FAT4: variants seen among roughly 807,000 people sequenced by gnomAD.
FAT4 encodes the protein protocadherin Fat 4.
FAT4 carries 84 observed loss-of-function variants against 303.9 expected under a neutral mutation model. That is an observed-to-expected ratio of 0.28 (90% CI 0.23 to 0.33). FAT4 has a LOEUF of 0.33. Ranked by LOEUF, FAT4 falls within the 10% of genes least tolerant of loss-of-function variation. FAT4 has a pLI of 1.00. For synonymous variants in FAT4, 2,307 were observed against 2,298.8 expected, an observed-to-expected ratio of 1.00 and a Z score of -0.10; for missense variants, 6,005 against 6,146.8, an observed-to-expected ratio of 0.98 and a Z score of 0.77.
chr4:125,489,286 C>G (rs1188905350), intron 17 of FAT4, among the ~76,000 whole-genome samples: 2 of 152,174 alleles, frequency 1.3e-5, no homozygotes, highest in Non-Finnish European at 2.9e-5. Flanking sequence ...TATCATTCCC[C>G]TAAGGAGACA....
chr4:125,474,517 G>C (rs1726963846), intron 12 of FAT4, among the ~76,000 whole-genome samples: 1 of 151,678 alleles, frequency 6.6e-6, no homozygotes, highest in Non-Finnish European at 1.5e-5. Context: ...ACAAATGTTA[G>C]TATTTATTAT....
chr4:125,337,277 G>A (rs1285576344), intron 2 of FAT4, among the ~76,000 whole-genome samples: 2 of 152,008 alleles, frequency 1.3e-5, no homozygotes, highest in Admixed American at 1.3e-4. Flanking sequence ...TTTGAAGGAT[G>A]TAATAACCAC....
chr4:125,462,765 T>A (rs927833780), intron 10 of FAT4, among the ~76,000 whole-genome samples: 1 of 152,042 alleles, frequency 6.6e-6, no homozygotes, highest in African/African-American at 2.4e-5. Context: ...ACTTTTGAAA[T>A]GTAAATATTT....
At chr4:125,334,053 A>G (rs1289606617) in intron 2 of FAT4, among the ~76,000 whole-genome samples, 1 of 152,030 alleles carries the variant, frequency 6.6e-6, no homozygotes, top group African/African-American at 2.4e-5. Flanking sequence ...TGGCCCACTC[A>G]TATAACACAC....
chr4:125,489,507 T>A (rs1727529465), intron 17 of FAT4, among the ~76,000 whole-genome samples: 1 of 152,244 alleles, frequency 6.6e-6, no homozygotes, highest in Admixed American at 6.5e-5. Context: ...GCCTATTTCA[T>A]GTTCTTTACA....
intron 7 of FAT4, among the ~76,000 whole-genome samples, chr4:125,434,033 CAG>C (rs1195178904): frequency 6.6e-6 from 1 of 152,146 alleles, no homozygotes; most frequent in Non-Finnish European, 1.5e-5. Flanking sequence ...ACTTTTCGTG[CAG>C]AGTTACTAGG....
At chr4:125,340,336 C>T (rs1162461148) in intron 2 of FAT4, among the ~76,000 whole-genome samples, 3 of 152,106 alleles carry the variant, frequency 2.0e-5, no homozygotes, top group Non-Finnish European at 4.4e-5. Flanking sequence ...TAACAAGTCC[C>T]TCAAGGGATT....
chr4:125,476,517 G>A (rs1215769701), intron 13 of FAT4, among the ~76,000 whole-genome samples: 1 of 152,112 alleles, frequency 6.6e-6, no homozygotes, highest in Non-Finnish European at 1.5e-5. Flanking sequence ...AAAGATTCAT[G>A]AAATAATTGC....
At chr4:125,323,047 C>A (rs1236018582) in intron 2 of FAT4, among the ~76,000 whole-genome samples, 1 of 152,116 alleles carries the variant, frequency 6.6e-6, no homozygotes, top group African/African-American at 2.4e-5. Flanking sequence ...ACAATCCTCT[C>A]TCTAACTTTC....
At chr4:125,402,453 A>G (rs1274815725) in intron 3 of FAT4, among the ~76,000 whole-genome samples, 1 of 152,038 alleles carries the variant, frequency 6.6e-6, no homozygotes, top group African/African-American at 2.4e-5. Flanking sequence ...AAACCATAAA[A>G]TTACAATAAA....
At position 125,450,562 on chromosome 4, in the gene FAT4, A is replaced by G. The variant is rs776702138; in HGVS notation, c.9552A>G (p.Val3184=). 6.2e-7 allele frequency: 1 copy of G among 1,614,142 alleles called. No individual in the cohort carries two copies. Among genetic ancestry groups the G allele is most frequent in the Admixed American group, 1.7e-5 (1 of 60,022 alleles). Residue 3184 remains valine, a synonymous_variant, in exon 10 of 18, where the codon GTA becomes GTG. Transcript: ENST00000394329. ...VARTGYCSVT[V]NVIDVNDNSP... ...GAACTGGTTACTGCAGTGTGACCGT[A>G]AATGTGATTGATGTGAATGATAATT... is the stretch of plus-strand genomic sequence containing the variant.
In FAT4 at chr4:125,462,045, T is replaced by C. The variant is rs985822362; in HGVS notation, c.11801-1518T>C. On this transcript the variant is annotated intron_variant, in intron 10 of 17. Transcript: ENST00000394329. Reference sequence around the variant, plus strand: ...TTGCCTTAACAATACAAAGGTATTCTGAAATTGTTAGCTCAATGTTTTGCC... The same window carrying C: ...TTGCCTTAACAATACAAAGGTATTCCGAAATTGTTAGCTCAATGTTTTGCC... 1.2e-4 allele frequency among the ~76,000 whole-genome samples: 18 copies of C among 152,114 alleles called. 1 individual carries two copies. The South Asian group carries it at 3.5e-3, about 30-fold the overall frequency.
chr4:125,456,581 G>A (rs2135429), intron 10 of FAT4, among the ~76,000 whole-genome samples: 151,263 of 152,296 alleles, frequency 0.99, 75,125 homozygotes, highest in Middle Eastern at 1. Context: ...TATGAAAAAA[G>A]CATAGTGAGT....
intron 12 of FAT4, 96 bp downstream of exon 12, chr4:125,468,915 T>C: frequency 7.9e-7 from 1 of 1,266,608 alleles, no homozygotes; most frequent in Non-Finnish European, 1.1e-6. Flanking sequence ...GGTTTATTCA[T>C]TAAATGAACA....
At chr4:125,403,661 A>G (rs2126016715) in intron 3 of FAT4, among the ~76,000 whole-genome samples, 1 of 152,224 alleles carries the variant, frequency 6.6e-6, no homozygotes, top group South Asian at 2.1e-4. Flanking sequence ...CCCTAAATAC[A>G]CCGCAAATAA....
At position 125,317,141 on chromosome 4, in the gene FAT4, A is replaced by T; in HGVS notation, c.730A>T (p.Asn244Tyr). ...GGTAAACGTGACTGTGCAAGACATT[A>T]ATGACAACCCCCCGGTTTTTGGCAG... ...LQVNVTVQDI[N>Y]DNPPVFGSSH... Residue 244 changes from asparagine to tyrosine, a missense_variant, in exon 2 of 18, where the codon AAT (asparagine) becomes TAT (tyrosine). By Grantham distance (143) the Asn-to-Tyr change is moderately radical (BLOSUM62 -2). Coordinates refer to ENST00000394329, the MANE Select transcript of FAT4 (RefSeq NM_001291303.3). This position sits in a 1 kb window ranked among gnomAD's most constrained non-coding sequence, Gnocchi z 7.0. 6.2e-7 allele frequency: 1 copy of T among 1,612,606 alleles called. No individual in the cohort carries two copies. The highest frequency in any genetic ancestry group is 8.5e-7 in the Non-Finnish European group (1 of 1,179,240).
At chr4:125,412,561 C>CT (rs1306300650) in intron 5 of FAT4, among the ~76,000 whole-genome samples, 1 of 151,734 alleles carries the variant, frequency 6.6e-6, no homozygotes, top group Non-Finnish European at 1.5e-5. Flanking sequence ...ATCTACCAAA[C>CT]TTTTTGCCTT....
At chr4:125,475,789 C>T (rs1343749876) in intron 12 of FAT4, among the ~76,000 whole-genome samples, 4 of 152,000 alleles carry the variant, frequency 2.6e-5, no homozygotes, top group African/African-American at 9.7e-5. Flanking sequence ...CTTTTGTTAA[C>T]ATAGCTTGAC....
intron 2 of FAT4, among the ~76,000 whole-genome samples, chr4:125,327,968 G>A (rs1731222670): frequency 6.6e-6 from 1 of 152,102 alleles, no homozygotes; most frequent in Non-Finnish European, 1.5e-5. Flanking sequence ...CCTGAGGTGG[G>A]TTCTGTATTT....
Sources: gnomAD v4.1 joint callset for allele counts (sites outside exome capture counted in the v4.1 genomes callset) on GRCh38, gnomAD v4.1.1 for gene constraint, Gnocchi (gnomAD v3.1) non-coding constraint, MANE v1.5 for transcripts, NCBI Gene and HGNC (gene_info 2026-07-23, HGNC 2026-07-21) for gene names.